The following ARHGEF18 variants were observed in gnomAD, a reference collection of about 807,000 sequenced individuals.
The protein encoded by ARHGEF18 is rho guanine nucleotide exchange factor 18.
A neutral mutation model predicts 155.7 loss-of-function variants in ARHGEF18; 93 were observed. The observed-to-expected ratio is 0.60, with a 90% CI of 0.50 to 0.71. The LOEUF (loss-of-function observed/expected upper bound fraction) is 0.71. Among genes scored for constraint, ARHGEF18 ranks in the 30% least tolerant of loss-of-function variants. The pLI is 0.00. For synonymous variants in ARHGEF18, 742 were observed against 753.1 expected (o/e 0.99, Z 0.24); for missense variants, 1,593 against 1,816.1 (o/e 0.88, Z 2.23).
At chr19:7,412,983 T>C (rs1033967780) in intron 10 of ARHGEF18, among the ~76,000 whole-genome samples, 3 of 152,082 alleles carry the variant, frequency 2.0e-5, no homozygotes, top group African/African-American at 7.2e-5. Flanking sequence ...TCTGACACTA[T>C]AGGATCTTGC....
At chr19:7,431,321 A>G (rs1973946958) in intron 10 of ARHGEF18, among the ~76,000 whole-genome samples, 2 of 151,968 alleles carry the variant, frequency 1.3e-5, no homozygotes. Context: ...ATTCGAAACC[A>G]GCCTGGCCAA....
At chr19:7,359,048 C>A (rs1363007192) in intron 1 of ARHGEF18, among the ~76,000 whole-genome samples, 1 of 152,064 alleles carries the variant, frequency 6.6e-6, no homozygotes, top group Non-Finnish European at 1.5e-5. Flanking sequence ...GAGACAGAGC[C>A]CTCAGTTGCC....
chr19:7,400,723 A>C (rs774534504), intron 10 of ARHGEF18, among the ~76,000 whole-genome samples: 2 of 152,098 alleles, frequency 1.3e-5, no homozygotes, highest in African/African-American at 2.4e-5. Context: ...GGCCCCAGCT[A>C]CTTGGGAGGC....
chr19:7,447,534 A>T (rs1975074073), intron 15 of ARHGEF18, among the ~76,000 whole-genome samples: 1 of 150,976 alleles, frequency 6.6e-6, no homozygotes, highest in Admixed American at 6.6e-5. Flanking sequence ...AAAAAAAAAA[A>T]CTTACATTCT....
chr19:7,439,452 AAATAAT>A (rs1428146782), intron 10 of ARHGEF18, among the ~76,000 whole-genome samples: 1 of 152,072 alleles, frequency 6.6e-6, no homozygotes, highest in South Asian at 2.1e-4. Context: ...CTGTCTCTAA[AAATAAT>A]AATAATTAAT....
intron 19 of ARHGEF18, among the ~76,000 whole-genome samples, chr19:7,459,617 C>A (rs544071146): frequency 3.3e-4 from 51 of 152,346 alleles, no homozygotes; most frequent in Non-Finnish European, 6.6e-4. Flanking sequence ...TGCAGCCACC[C>A]ACCTGCACCT....
intron 10 of ARHGEF18, among the ~76,000 whole-genome samples, chr19:7,413,047 G>T (rs1019966342): frequency 6.6e-6 from 1 of 152,048 alleles, no homozygotes; most frequent in African/African-American, 2.4e-5. Context: ...TTCAGCCAGC[G>T]AATCAGGATC....
downstream of ARHGEF18, chr19:7,477,445 CAG>C (rs780516195): frequency 9.8e-6 from 14 of 1,422,914 alleles, no homozygotes; most frequent in Admixed American, 3.1e-5. Flanking sequence ...GGCTGTGGGG[CAG>C]AGAGGGGCCG....
chr19:7,451,366 C>T (rs1304895339), intron 16 of ARHGEF18, 100 bp downstream of exon 16: 3 of 975,170 alleles, frequency 3.1e-6, no homozygotes, highest in Non-Finnish European at 4.5e-6. Flanking sequence ...GAATAAATTC[C>T]CTTTGAAATC....
At chr19:7,439,701 T>G in intron 10 of ARHGEF18, 1 of 1,256,096 alleles carries the variant, frequency 8.0e-7, no homozygotes, top group Non-Finnish European at 1.0e-6. Context: ...CACCATGCCC[T>G]GCCATCTCTG....
At chr19:7,415,586 A>G (rs947761340) in intron 10 of ARHGEF18, among the ~76,000 whole-genome samples, 3 of 151,844 alleles carry the variant, frequency 2.0e-5, no homozygotes, top group African/African-American at 7.3e-5. Context: ...ACCTCCTGGA[A>G]TAAGACATTC....
chr19:7,403,379 A>G (rs1405631961), intron 10 of ARHGEF18, among the ~76,000 whole-genome samples: 1 of 152,190 alleles, frequency 6.6e-6, no homozygotes, highest in Non-Finnish European at 1.5e-5. Context: ...AGCCCCCAGC[A>G]GCCACGACCC....
chr19:7,352,985 C>T (rs142616563), intron 1 of ARHGEF18, among the ~76,000 whole-genome samples: 2,977 of 151,366 alleles, frequency 0.02, 83 homozygotes, highest in African/African-American at 0.067. Flanking sequence ...TACAGGCATC[C>T]ACCACCATGC....
At chr19:7,379,603 T>C (rs545926663) in intron 7 of ARHGEF18, among the ~76,000 whole-genome samples, 2 of 151,500 alleles carry the variant, frequency 1.3e-5, no homozygotes, top group African/African-American at 2.4e-5. Context: ...GGAAGAAAAA[T>C]GGGGCAGAAG....
chr19:7,474,241 A>C (rs1039253766), downstream of ARHGEF18, among the ~76,000 whole-genome samples: 4 of 151,948 alleles, frequency 2.6e-5, no homozygotes, highest in Non-Finnish European at 5.9e-5. Context: ...CTGGGGGCTG[A>C]GGCAAGAGAA....
chr19:7,364,687 G>A (rs913153105), intron 2 of ARHGEF18, among the ~76,000 whole-genome samples: 3 of 152,164 alleles, frequency 2.0e-5, no homozygotes, highest in Non-Finnish European at 2.9e-5. Flanking sequence ...GACTGAGGTC[G>A]TGGCAAAGGT....
intron 10 of ARHGEF18, among the ~76,000 whole-genome samples, chr19:7,432,449 T>C (rs1466046916): frequency 6.6e-6 from 1 of 152,194 alleles, no homozygotes; most frequent in Non-Finnish European, 1.5e-5. Flanking sequence ...ACCGAGGTGC[T>C]TGTCTGGTTC....
At chr19:7,455,518 G>A (rs1975773592) in intron 17 of ARHGEF18, among the ~76,000 whole-genome samples, 1 of 152,186 alleles carries the variant, frequency 6.6e-6, no homozygotes, top group African/African-American at 2.4e-5. Context: ...CGCCAAGGGG[G>A]ACTGAGGGGC....
At chr19:7,445,652 CT>C (rs1163581586) in intron 14 of ARHGEF18, among the ~76,000 whole-genome samples, 3 of 152,166 alleles carry the variant, frequency 2.0e-5, no homozygotes, top group African/African-American at 4.8e-5. Context: ...CAAAGTCTCA[CT>C]CTGTCGCCCA....
Sources: allele counts gnomAD v4.1 joint callset (sites outside exome capture counted in the v4.1 genomes callset), GRCh38; gene constraint gnomAD v4.1.1; transcripts MANE v1.5; gene names NCBI Gene and HGNC (gene_info 2026-07-23, HGNC 2026-07-21).